The following SLA2 variants were observed in gnomAD, a reference collection of about 807,000 sequenced individuals.
SLA2 encodes src-like-adapter 2.
SLA2 carries 22 observed loss-of-function variants against 27.3 expected under a neutral mutation model. That is an observed-to-expected ratio of 0.81 (90% CI 0.58 to 1.15). The LOEUF is 1.15. Ranked by LOEUF, SLA2 falls within the 50% of genes most tolerant of loss-of-function variation. The probability of loss-of-function intolerance (pLI) is 0.00; values close to 1 mark genes in which losing one functional copy is unlikely to be tolerated. For missense variants in SLA2, 304 were observed against 322.2 expected (o/e 0.94, Z 0.43); for synonymous variants, 131 against 137.8 (o/e 0.95, Z 0.34).
At chr20:36,632,879 C>T (rs2147991345) in intron 4 of SLA2, among the ~76,000 whole-genome samples, 181 bp from the exon 5 acceptor site, 1 of 152,232 alleles carries the variant, frequency 6.6e-6, no homozygotes, top group South Asian at 2.1e-4. Flanking sequence ...TTTTGTCCTC[C>T]CAGTCCTGGC....
At chr20:36,633,257 C>T (rs929788961) in intron 4 of SLA2, among the ~76,000 whole-genome samples, 5 of 152,116 alleles carry the variant, frequency 3.3e-5, no homozygotes, top group Non-Finnish European at 7.4e-5. Context: ...ATGCTGCCAT[C>T]TCCTACGTGG....
intron 5 of SLA2, among the ~76,000 whole-genome samples, chr20:36,628,126 C>T (rs1278036312): frequency 1.3e-5 from 2 of 152,112 alleles, no homozygotes; most frequent in Non-Finnish European, 2.9e-5. Flanking sequence ...ACCTCTGCCC[C>T]CAAAAGTCTG....
At chr20:36,627,061 C>T (rs1305885765) in intron 5 of SLA2, among the ~76,000 whole-genome samples, 1 of 151,464 alleles carries the variant, frequency 6.6e-6, no homozygotes, top group Non-Finnish European at 1.5e-5. Flanking sequence ...GTGAGCTTGC[C>T]GTGAGGAGAA....
intron 4 of SLA2, 95 bp from the exon 5 acceptor site, chr20:36,632,793 G>T: frequency 1.1e-6 from 1 of 930,730 alleles, no homozygotes; most frequent in Non-Finnish European, 1.7e-6. Context: ...CCCTCACAAG[G>T]CCCTCCCTCT....
chr20:36,645,160 T>A (rs1349347182), intron 1 of SLA2, among the ~76,000 whole-genome samples: 1 of 150,982 alleles, frequency 6.6e-6, no homozygotes, highest in Non-Finnish European at 1.5e-5. Flanking sequence ...GGCAACATAG[T>A]GAGAACCCCC....
At chr20:36,634,942 C>T (rs776399118) in intron 2 of SLA2, among the ~76,000 whole-genome samples, 7 of 152,188 alleles carry the variant, frequency 4.6e-5, no homozygotes, top group East Asian at 1.9e-4. Flanking sequence ...ATCCTCCAGC[C>T]TCAGCCTCCT....
intron 6 of SLA2, 89 bp downstream of exon 6, chr20:36,615,136 C>A: frequency 6.3e-7 from 1 of 1,587,410 alleles, no homozygotes; most frequent in Non-Finnish European, 8.6e-7. Context: ...CTGAATACTC[C>A]ACAGTAGGTA....
chr20:36,643,418 GTCCCTGGAGGGGAAC>G (rs1224747159), intron 1 of SLA2, among the ~76,000 whole-genome samples: 1 of 152,224 alleles, frequency 6.6e-6, no homozygotes, highest in East Asian at 1.9e-4. Flanking sequence ...AGGACTGGTG[GTCCCTGGAGGGGAAC>G]CCATGCACCT....
At chr20:36,634,614 A>G (rs1352248378) in intron 2 of SLA2, 25 bp from the exon 3 acceptor site, 1 of 1,503,930 alleles carries the variant, frequency 6.6e-7, no homozygotes, top group South Asian at 1.2e-5. Flanking sequence ...AGAAATAGTC[A>G]CCTACTTAGC....
intron 5 of SLA2, among the ~76,000 whole-genome samples, chr20:36,631,058 C>A (rs903031098): frequency 2.6e-5 from 4 of 152,178 alleles, no homozygotes; most frequent in Admixed American, 2.6e-4. Flanking sequence ...GAATCACCTC[C>A]TAGTCAACGC....
At chr20:36,633,416 G>A (rs1378727038) in intron 4 of SLA2, 127 bp downstream of exon 4, 3 of 767,870 alleles carry the variant, frequency 3.9e-6, no homozygotes, top group Non-Finnish European at 6.8e-6. Flanking sequence ...CCCTCTTGAG[G>A]GCAGGACCTG....
At chr20:36,645,127 G>T (rs1463983310) in intron 1 of SLA2, among the ~76,000 whole-genome samples, 1 of 151,738 alleles carries the variant, frequency 6.6e-6, no homozygotes, top group Non-Finnish European at 1.5e-5. Flanking sequence ...ATTGCTTGAG[G>T]CCAGGAGTTC....
At chr20:36,615,099 A>T in intron 6 of SLA2, 126 bp downstream of exon 6, 1 of 1,492,906 alleles carries the variant, frequency 6.7e-7, no homozygotes, top group African/African-American at 1.4e-5. Context: ...CTGGCGTGAA[A>T]ATAGGGGAGG....
chr20:36,615,179 CCA>C (rs746673219), intron 6 of SLA2, 44 bp downstream of exon 6: 8 of 1,613,138 alleles, frequency 5.0e-6, no homozygotes, highest in Middle Eastern at 1.7e-4. Context: ...CTGCTCCTCC[CCA>C]CAGACTATCC....
intron 5 of SLA2, among the ~76,000 whole-genome samples, chr20:36,624,196 CT>C (rs1600821753): frequency 6.6e-6 from 1 of 152,272 alleles, no homozygotes; most frequent in East Asian, 1.9e-4. Flanking sequence ...GGCATCCTCT[CT>C]TCTCAGCAGG....
intron 1 of SLA2, among the ~76,000 whole-genome samples, chr20:36,642,741 AC>A (rs1324594863): frequency 6.6e-6 from 1 of 151,862 alleles, no homozygotes; most frequent in Non-Finnish European, 1.5e-5. Context: ...ATGCACCACC[AC>A]GCCTGGCCGA....
chr20:36,633,447 C>G, intron 4 of SLA2, 96 bp downstream of exon 4: 1 of 1,064,694 alleles, frequency 9.4e-7, no homozygotes, highest in Non-Finnish European at 1.4e-6. Flanking sequence ...TCCCCCATCC[C>G]CAGCTTTGCT....
At chr20:36,625,216 A>ATTT (rs71186005) in intron 5 of SLA2, among the ~76,000 whole-genome samples, 836 of 78,420 alleles carry the variant, frequency 0.011, 14 homozygotes, top group African/African-American at 0.014. Flanking sequence ...ACGTACCCTG[A>ATTT]TTTTTTTTTT....
At chr20:36,633,289 C>T (rs988420492) in intron 4 of SLA2, among the ~76,000 whole-genome samples, 16 of 152,156 alleles carry the variant, frequency 1.1e-4, no homozygotes, top group African/African-American at 3.9e-4. Context: ...TTTTCCACCA[C>T]GAGATCCTGG....
Sources: gnomAD v4.1 joint callset for allele counts (sites outside exome capture counted in the v4.1 genomes callset) on GRCh38, gnomAD v4.1.1 for gene constraint, MANE v1.5 for transcripts, NCBI Gene and HGNC (gene_info 2026-07-23, HGNC 2026-07-21) for gene names.